RAD51AP1: variants seen among roughly 807,000 people sequenced by gnomAD.
RAD51AP1 encodes the protein RAD51-associated protein 1.
A neutral mutation model predicts 34.3 loss-of-function variants in RAD51AP1; 14 were observed. The ratio of observed to expected loss-of-function variants is 0.41; its 90% CI spans 0.27 to 0.64. The LOEUF (loss-of-function observed/expected upper bound fraction) is 0.64. Among genes scored for constraint, RAD51AP1 ranks in the 30% least tolerant of loss-of-function variants. The probability of loss-of-function intolerance (pLI) is 0.33; values close to 1 mark genes in which losing one functional copy is unlikely to be tolerated. For synonymous variants in RAD51AP1, 114 were observed against 129.8 expected (o/e 0.88, Z 0.83); for missense variants, 348 against 386.9 (o/e 0.90, Z 0.84).
intron 8 of RAD51AP1, 45 bp from the exon 9 acceptor site, chr12:4,558,810 AAG>A (rs1442405727): frequency 1.3e-6 from 2 of 1,592,032 alleles, no homozygotes; most frequent in Non-Finnish European, 1.7e-6. Context: ...AATCTTTGTT[AAG>A]AGATTTCTGA....
intron 6 of RAD51AP1, among the ~76,000 whole-genome samples, chr12:4,551,448 T>C (rs540134730): frequency 2.0e-5 from 3 of 147,296 alleles, no homozygotes; most frequent in South Asian, 2.1e-4. Flanking sequence ...TGAGCCAGGA[T>C]TGTGCCACTG....
At chr12:4,543,377 A>G (rs903754264) in intron 2 of RAD51AP1, among the ~76,000 whole-genome samples, 1 of 152,150 alleles carries the variant, frequency 6.6e-6, no homozygotes, top group Non-Finnish European at 1.5e-5. Context: ...ATGGGCTTTG[A>G]AAAAAGATAT....
In RAD51AP1 at chr12:4,543,828, C is replaced by A. The variant is rs1328230659; in HGVS notation, c.133C>A (p.Gln45Lys). ...CAGAACAGCACCAAAGGAGTTAAAACAAGATAAACCAAAACCTAACTTGAA... is the reference window on the plus strand; with the variant it reads ...CAGAACAGCACCAAAGGAGTTAAAAAAAGATAAACCAAAACCTAACTTGAA... The part of the protein sequence containing the change: ...KSRTAPKELK[Q>K]DKPKPNLNNL... The change falls in exon 3 of 9, where the codon CAA (glutamine) becomes AAA (lysine). Residue 45 changes from glutamine to lysine, a missense_variant. Physicochemically the swap from Gln to Lys is moderately conservative, Grantham distance 53 (BLOSUM62 1). Coordinates refer to ENST00000352618, the MANE Select transcript of RAD51AP1 (RefSeq NM_006479.5). The A allele has an allele frequency of 6.2e-7, 1 of 1,612,036 alleles. No homozygotes were observed. The highest frequency in any genetic ancestry group is 8.5e-7 in the Non-Finnish European group (1 of 1,178,534).
chr12:4,548,660 C>T (rs1944524113), intron 5 of RAD51AP1, 27 bp from the exon 6 acceptor site: 6 of 1,603,364 alleles, frequency 3.7e-6, no homozygotes, highest in African/African-American at 1.3e-5. Context: ...AGAAAGTTTT[C>T]CATTGATTTT....
rs565752930 is a variant in RAD51AP1, at chr12:4,542,587, T to G, written c.67+654T>G. On this transcript the variant is annotated intron_variant, in intron 2 of 8. Transcript: ENST00000352618. ...TAACATCTAGCTTTTTTTTTTTTTT[T>G]GTCATCAGTCTGTCATCAGATACTT... is the stretch of plus-strand genomic sequence containing the variant. Among the ~76,000 whole-genome samples, 179 of 148,488 alleles carry G rather than the reference T, an allele frequency of 1.2e-3. 1 individual carries two copies. The highest frequency in any genetic ancestry group is 4.3e-3 in the African/African-American group (169 of 39,424).
intron 6 of RAD51AP1, among the ~76,000 whole-genome samples, chr12:4,551,231 C>G (rs1423261716): frequency 1.3e-5 from 2 of 152,184 alleles, no homozygotes; most frequent in Non-Finnish European, 2.9e-5. Context: ...CACAGTGGCT[C>G]ACACCTGTAA....
chr12:4,546,499 G>T, intron 4 of RAD51AP1, 81 bp downstream of exon 4: 1 of 955,510 alleles, frequency 1.0e-6, no homozygotes, highest in Non-Finnish European at 1.6e-6. Context: ...CCTTCACAGA[G>T]GAAACAGGTA....
intron 3 of RAD51AP1, chr12:4,545,800 T>G: frequency 6.2e-7 from 1 of 1,613,454 alleles, no homozygotes; most frequent in Non-Finnish European, 8.5e-7. Context: ...AAGGTACTTT[T>G]AGTATTCCAG....
At chr12:4,554,978 A>G (rs1944572132) in intron 7 of RAD51AP1, among the ~76,000 whole-genome samples, 1 of 152,210 alleles carries the variant, frequency 6.6e-6, no homozygotes. Flanking sequence ...AGCGGCTACC[A>G]TATTGGACAG....
chr12:4,548,625 C>G (rs1944523929), intron 5 of RAD51AP1, 62 bp from the exon 6 acceptor site: 1 of 1,541,856 alleles, frequency 6.5e-7, no homozygotes, highest in South Asian at 1.2e-5. Flanking sequence ...GTCTGGTCTG[C>G]AGTTCTTGAA....
At chr12:4,557,385 C>CA (rs781649041) in intron 8 of RAD51AP1, among the ~76,000 whole-genome samples, 8 of 152,172 alleles carry the variant, frequency 5.3e-5, no homozygotes, top group Admixed American at 6.5e-5. Flanking sequence ...TGTGAGGCTG[C>CA]ATGATTACTT....
chr12:4,557,571 A>G (rs940035158), intron 8 of RAD51AP1, among the ~76,000 whole-genome samples: 3 of 152,220 alleles, frequency 2.0e-5, no homozygotes, highest in Admixed American at 6.5e-5. Context: ...AATACTTAGT[A>G]TATTTCTAAA....
chr12:4,539,040 C>A, intron 1 of RAD51AP1, 84 bp downstream of exon 1: 1 of 1,492,920 alleles, frequency 6.7e-7, no homozygotes, highest in Non-Finnish European at 9.3e-7. Context: ...TCGAGTAAGA[C>A]CGGAGGGCAG....
chr12:4,548,027 A>G, intron 4 of RAD51AP1, 65 bp from the exon 5 acceptor site: 1 of 1,467,528 alleles, frequency 6.8e-7, no homozygotes, highest in Non-Finnish European at 9.2e-7. Context: ...TTTAGTACTA[A>G]TTTTCCTATA....
rs1944525168 is a variant in RAD51AP1, at chr12:4,548,774, A to G, written c.494A>G (p.Lys165Arg). 6.2e-7 allele frequency: 1 copy of G among 1,614,016 alleles called. No individual in the cohort carries two copies. The highest frequency in any genetic ancestry group is 8.5e-7 in the Non-Finnish European group (1 of 1,180,002). Residue 165 changes from lysine to arginine, a missense_variant, in exon 6 of 9, where the codon AAG becomes AGG. By Grantham distance (26) the Lys-to-Arg change is conservative. Transcript: ENST00000352618. ...TCTAAAGCTGCAGCACAGCAGAGGAAGATTCTTCTGGAAGGCAGTGATGGT... is the reference window on the plus strand; with the variant it reads ...TCTAAAGCTGCAGCACAGCAGAGGAGGATTCTTCTGGAAGGCAGTGATGGT... ...AASKAAAQQR[K>R]ILLEGSDGDS...
At position 4,543,793 on chromosome 12, in the gene RAD51AP1, A is replaced by T. The variant is rs1385764223; in HGVS notation, c.98A>T (p.Asn33Ile). ...DDFVSATVPL[N>I]KKSRTAPKEL... is the part of the protein sequence containing the mutation. ...TTTGTTTCTGCAACTGTACCTTTAAACAAGAAATCCAGAACAGCACCAAAG... is the reference window on the plus strand; with the variant it reads ...TTTGTTTCTGCAACTGTACCTTTAATCAAGAAATCCAGAACAGCACCAAAG... The change falls in exon 3 of 9, where the codon AAC becomes ATC. Residue 33 changes from asparagine (N) to isoleucine (I), a missense_variant. Transcript: ENST00000352618. 2 of 1,606,672 alleles carry T rather than the reference A, an allele frequency of 1.2e-6. No individual in the cohort carries two copies. The highest frequency in any genetic ancestry group is 8.5e-7 in the Non-Finnish European group (1 of 1,176,730).
At chr12:4,539,071 A>G in intron 1 of RAD51AP1, 115 bp downstream of exon 1, 3 of 1,184,286 alleles carry the variant, frequency 2.5e-6, no homozygotes, top group Non-Finnish European at 3.7e-6. Context: ...GTTAGGATGG[A>G]CGGTTATCAA....
chr12:4,556,311 T>G (rs1226758306), intron 7 of RAD51AP1, 42 bp from the exon 8 acceptor site: 1 of 1,467,168 alleles, frequency 6.8e-7, no homozygotes, highest in Non-Finnish European at 9.5e-7. Flanking sequence ...TTACTTTTTC[T>G]TCCTGCATGA....
chr12:4,557,462 T>C (rs1022896794), intron 8 of RAD51AP1, among the ~76,000 whole-genome samples: 4 of 152,220 alleles, frequency 2.6e-5, no homozygotes, highest in Non-Finnish European at 5.9e-5. Context: ...AAGTCCATTC[T>C]GGTTTACAAC....
Sources: gnomAD v4.1 joint callset for allele counts (sites outside exome capture counted in the v4.1 genomes callset) on GRCh38, gnomAD v4.1.1 for gene constraint, MANE v1.5 for transcripts, NCBI Gene and HGNC (gene_info 2026-07-23, HGNC 2026-07-21) for gene names.